Variants in SCUBE1 observed in about 807,000 individuals in gnomAD.
The protein encoded by SCUBE1 is signal peptide, CUB and EGF-like domain-containing protein 1.
SCUBE1 carries 59 observed loss-of-function variants against 124.4 expected under a neutral mutation model. The ratio of observed to expected loss-of-function variants is 0.47; its 90% CI spans 0.38 to 0.59. The LOEUF is 0.59. Among genes scored for constraint, SCUBE1 ranks in the 20% least tolerant of loss-of-function variants. SCUBE1 has a pLI of 0.00. For synonymous variants in SCUBE1, 545 were observed against 550.9 expected (o/e 0.99, Z 0.15); for missense variants, 1,150 against 1,371.2 (o/e 0.84, Z 2.55).
rs1444494261 is a variant in SCUBE1 at position 43,210,572 on chromosome 22, T to A, written c.2384-332A>T. On this transcript the variant is annotated intron_variant, in intron 18 of 21. Coordinates refer to ENST00000360835, the MANE Select transcript of SCUBE1 (RefSeq NM_173050.5). This position sits in a 1 kb window ranked among gnomAD's most constrained non-coding sequence, Gnocchi z 4.5. ...ACTGAGAGGGCCTGGAGCCCTGCTC[T>A]CTCTAGAGGCCCTGTCAGTGCCCCT... Among the ~76,000 whole-genome samples, 1 of 152,180 alleles carries A rather than the reference T, an allele frequency of 6.6e-6. No homozygotes were observed. The highest frequency in any genetic ancestry group is 2.4e-5 in the African/African-American group (1 of 41,446).
At chr22:43,257,389 T>C (rs1923700927) in intron 6 of SCUBE1, among the ~76,000 whole-genome samples, 1 of 152,260 alleles carries the variant, frequency 6.6e-6, no homozygotes, top group Admixed American at 6.5e-5. Context: ...GCACCAACTT[T>C]GAAACTCCAC....
At chr22:43,240,334 A>G in intron 6 of SCUBE1, among the ~76,000 whole-genome samples, 1 of 152,068 alleles carries the variant, frequency 6.6e-6, no homozygotes, top group East Asian at 1.9e-4. Context: ...TTGCCCTCCC[A>G]TCTCCTGCCA....
intron 4 of SCUBE1, among the ~76,000 whole-genome samples, chr22:43,263,514 G>C (rs1923949696): frequency 6.6e-6 from 1 of 152,174 alleles, no homozygotes; most frequent in South Asian, 2.1e-4. Context: ...GCCGGCTCGG[G>C]GAGCGGCAGT....
chr22:43,336,134 C>T (rs1004102382), intron 2 of SCUBE1, among the ~76,000 whole-genome samples: 5 of 152,190 alleles, frequency 3.3e-5, no homozygotes, highest in African/African-American at 4.8e-5. Context: ...CTGTGCCTCA[C>T]TCAATCTTCA....
Position 43,204,025 on chromosome 22 carries a change from A to T in SCUBE1, c.2939T>A (p.Val980Glu). Residue 980 changes from valine (V) to glutamate (E), a missense_variant, in exon 22 of 22, where the codon GTG (valine) becomes GAG (glutamate). Physicochemically the swap from Val to Glu is moderately radical, Grantham distance 121 (BLOSUM62 -2). Coordinates refer to ENST00000360835, the MANE Select transcript of SCUBE1 (RefSeq NM_173050.5). Reference sequence around the variant, plus strand: ...TTTGTAGGGCCGCAGGAACCGAGACACTTTGGAGCGCAGCAGTTTGATGAA... The same window carrying T: ...TTTGTAGGGCCGCAGGAACCGAGACTCTTTGGAGCGCAGCAGTTTGATGAA... ...RSFIKLLRSK[V>E]SRFLRPYK 3.1e-6 allele frequency: 5 copies of T among 1,614,144 alleles called. No individual in the cohort carries two copies. Among genetic ancestry groups the T allele is most frequent in the Non-Finnish European group, 4.2e-6 (5 of 1,180,012 alleles).
At chr22:43,324,171 T>C (rs1198134927) in intron 2 of SCUBE1, among the ~76,000 whole-genome samples, 2 of 152,216 alleles carry the variant, frequency 1.3e-5, no homozygotes, top group Non-Finnish European at 2.9e-5. Flanking sequence ...GCGTAATTAT[T>C]AACAGCAGTT....
chr22:43,330,088 A>G (rs1926857511), intron 2 of SCUBE1, among the ~76,000 whole-genome samples: 1 of 151,388 alleles, frequency 6.6e-6, no homozygotes, highest in Admixed American at 6.6e-5. Context: ...ACATGCAGAT[A>G]CTGGTGCAGC....
rs1232388055 is a variant in SCUBE1, at chr22:43,197,980, G to T, written c.*6017C>A. The T allele has an allele frequency of 6.5e-6, 1 of 153,098 alleles. No homozygotes were observed. The highest frequency in any genetic ancestry group is 1.9e-4 in the East Asian group (1 of 5,192). The allele number at this position is 153,098 out of a possible 1,614,324, so 9.5% of individuals were successfully genotyped here. The stretch of plus-strand genomic sequence containing the variant: ...ATCTGTAAGCTTCAGATTGATCAAC[G>T]TTTTAGAGACATTTCCTACCCTTGG... On this transcript the variant is annotated 3_prime_UTR_variant, in exon 22 of 22. Coordinates refer to ENST00000360835, the MANE Select transcript of SCUBE1 (RefSeq NM_173050.5).
Position 43,210,319 on chromosome 22 carries a change from G to A in SCUBE1, c.2384-79C>T. 7.9e-7 allele frequency: 1 copy of A among 1,268,362 alleles called. No individual in the cohort carries two copies. 78.6% of individuals were successfully genotyped at this position (1,268,362 alleles called of 1,614,324 possible). A position where few individuals can be genotyped will look rare whatever the true frequency, so the allele number is the denominator to read the frequency against. Reference sequence around the variant, plus strand: ...GGCCGGCCAGGCCTCTAACCACCTGGGAGGCCTAGGGCAGGGCTGGAAGGT... The same window carrying A: ...GGCCGGCCAGGCCTCTAACCACCTGAGAGGCCTAGGGCAGGGCTGGAAGGT... On this transcript the variant is annotated intron_variant, in intron 18 of 21. Coordinates refer to ENST00000360835, the MANE Select transcript of SCUBE1 (RefSeq NM_173050.5). The surrounding 1 kb of genome is among the most constrained non-coding windows in gnomAD (Gnocchi z 4.5).
chr22:43,219,870 C>T (rs1239995419), intron 14 of SCUBE1, among the ~76,000 whole-genome samples: 1 of 152,098 alleles, frequency 6.6e-6, no homozygotes, highest in Non-Finnish European at 1.5e-5. Flanking sequence ...TCCCACCTGG[C>T]AATGGGTGGT....
intron 3 of SCUBE1, among the ~76,000 whole-genome samples, chr22:43,295,017 T>C (rs563599069): frequency 6.6e-6 from 1 of 152,296 alleles, no homozygotes; most frequent in African/African-American, 2.4e-5. Flanking sequence ...GGCCTGGAGA[T>C]GGAGAGAGAT....
chr22:43,297,305 T>A (rs1925600550), intron 3 of SCUBE1, among the ~76,000 whole-genome samples: 1 of 152,208 alleles, frequency 6.6e-6, no homozygotes, highest in Non-Finnish European at 1.5e-5. Flanking sequence ...CAATCCCTTC[T>A]CCATGGGCAG....
In SCUBE1 at chr22:43,343,164, G is replaced by C. The variant is rs1444420848; in HGVS notation, c.88+10C>G. On this transcript the variant is annotated intron_variant, in intron 1 of 21. Coordinates refer to ENST00000360835, the MANE Select transcript of SCUBE1 (RefSeq NM_173050.5). ...GCGCCCGCCGCCCCCCACCTCGGTC[G>C]GGGGCTTACCTGGGAGCCCGCTGCC... 2 of 1,157,794 alleles carry C rather than the reference G, an allele frequency of 1.7e-6. No homozygotes were observed. Among genetic ancestry groups the C allele is most frequent in the Non-Finnish European group, 1.1e-6 (1 of 942,486 alleles). 71.7% of individuals were successfully genotyped at this position (1,157,794 alleles called of 1,614,324 possible).
chr22:43,280,193 T>C (rs1199598963), intron 4 of SCUBE1, among the ~76,000 whole-genome samples: 1 of 152,074 alleles, frequency 6.6e-6, no homozygotes, highest in Non-Finnish European at 1.5e-5. Flanking sequence ...GGCCCTGCCT[T>C]GAGCCCCAGG....
intron 2 of SCUBE1, among the ~76,000 whole-genome samples, chr22:43,329,007 A>C (rs1310726643): frequency 3.9e-5 from 6 of 152,108 alleles, no homozygotes; most frequent in Non-Finnish European, 8.8e-5. Flanking sequence ...TCACCTTGAC[A>C]CAATTGTCTA....
At chr22:43,265,352 A>G (rs1924022905) in intron 4 of SCUBE1, among the ~76,000 whole-genome samples, 1 of 152,232 alleles carries the variant, frequency 6.6e-6, no homozygotes, top group Admixed American at 6.5e-5. Flanking sequence ...CCCACAGTCA[A>G]TAAGACACTA....
intron 6 of SCUBE1, among the ~76,000 whole-genome samples, chr22:43,254,238 G>GA (rs1923570436): frequency 1.3e-5 from 2 of 152,220 alleles, no homozygotes; most frequent in South Asian, 4.1e-4. Flanking sequence ...TCTCATCCGA[G>GA]AAAGAGGGCC....
At chr22:43,314,342 C>T (rs981495262) in intron 3 of SCUBE1, among the ~76,000 whole-genome samples, 1 of 152,050 alleles carries the variant, frequency 6.6e-6, no homozygotes, top group Non-Finnish European at 1.5e-5. Flanking sequence ...GAGTACACAC[C>T]CCCTCTGAAG....
intron 16 of SCUBE1, 43 bp downstream of exon 16, chr22:43,214,047 G>GGGCCCCCCCCCCCCCCCCCC: frequency 7.0e-6 from 1 of 143,440 alleles, no homozygotes; most frequent in Non-Finnish European, 1.3e-5. Flanking sequence ...AGGAGCCCCC[G>GGGCCCCCCCCCCCCCCCCCC]CCCACCCCCC....
Sources: gnomAD v4.1 joint callset for allele counts (sites outside exome capture counted in the v4.1 genomes callset) on GRCh38, gnomAD v4.1.1 for gene constraint, Gnocchi (gnomAD v3.1) non-coding constraint, MANE v1.5 for transcripts, NCBI Gene and HGNC (gene_info 2026-07-23, HGNC 2026-07-21) for gene names.